The following MAF variants were observed in gnomAD, a reference collection of about 807,000 sequenced individuals.
MAF encodes the protein transcription factor Maf.
MAF carries 10 observed loss-of-function variants against 22.0 expected under a neutral mutation model. The ratio of observed to expected loss-of-function variants is 0.45; its 90% CI spans 0.28 to 0.77. The LOEUF (loss-of-function observed/expected upper bound fraction) is 0.77, where lower values mean the gene tolerates loss of function less well. Ranked by LOEUF, MAF falls within the 30% of genes least tolerant of loss-of-function variation. MAF has a pLI of 0.12. For synonymous variants in MAF, 337 were observed against 255.8 expected (o/e 1.32, Z -3.03); for missense variants, 544 against 548.4 (o/e 0.99, Z 0.08).
the MAF span, among the ~76,000 whole-genome samples, chr16:79,386,933 G>A: frequency 6.6e-6 from 1 of 152,166 alleles, no homozygotes; most frequent in East Asian, 1.9e-4. Flanking sequence ...TACATTAACT[G>A]CTGTAAAAGC....
chr16:79,478,802 C>A, the MAF span, among the ~76,000 whole-genome samples: 1 of 152,016 alleles, frequency 6.6e-6, no homozygotes, highest in Non-Finnish European at 1.5e-5. Context: ...TCCTACGATA[C>A]CTGTGCACCA....
chr16:79,210,702 CTAT>C, the MAF span, among the ~76,000 whole-genome samples: 1 of 151,668 alleles, frequency 6.6e-6, no homozygotes, highest in African/African-American at 2.4e-5. Flanking sequence ...GAACAGCAGC[CTAT>C]TATTTTTAAT....
the MAF span, chr16:79,212,512 A>AGAATACACAGGATATTTT: frequency 3.7e-5 from 7 of 187,230 alleles, no homozygotes; most frequent in Admixed American, 3.7e-4. Flanking sequence ...TATATACTTA[A>AGAATACACAGGATATTTT]GAATACACAG....
chr16:79,233,093 G>A, the MAF span, among the ~76,000 whole-genome samples: 1 of 151,828 alleles, frequency 6.6e-6, no homozygotes, highest in Non-Finnish European at 1.5e-5. Flanking sequence ...GCCCACCTCG[G>A]CCTCCCAAAG....
chr16:79,563,317 G>C, the MAF span, among the ~76,000 whole-genome samples: 1 of 152,154 alleles, frequency 6.6e-6, no homozygotes, highest in Non-Finnish European at 1.5e-5. Context: ...TGTGTCTCTA[G>C]AACTAAATTA....
chr16:79,385,809 G>A, the MAF span, among the ~76,000 whole-genome samples: 2 of 152,192 alleles, frequency 1.3e-5, no homozygotes, highest in Non-Finnish European at 2.9e-5. Context: ...GCTGAGGCAG[G>A]AGAATTACTT....
the MAF span, among the ~76,000 whole-genome samples, chr16:79,522,403 C>A: frequency 2.0e-5 from 3 of 152,178 alleles, no homozygotes; most frequent in Admixed American, 1.3e-4. Context: ...CCACCCCCAA[C>A]AGAGCTGCTA....
chr16:79,333,196 G>T, the MAF span, among the ~76,000 whole-genome samples: 4 of 152,134 alleles, frequency 2.6e-5, no homozygotes, highest in African/African-American at 4.8e-5. Context: ...TCTTTGGCTC[G>T]CTGGACCAGA....
At chr16:79,302,878 T>C in the MAF span, among the ~76,000 whole-genome samples, 1 of 152,234 alleles carries the variant, frequency 6.6e-6, no homozygotes, top group Non-Finnish European at 1.5e-5. Context: ...TCTGTTTGTC[T>C]GTTTAATGTA....
At chr16:79,549,685 C>T in the MAF span, among the ~76,000 whole-genome samples, 1 of 152,112 alleles carries the variant, frequency 6.6e-6, no homozygotes, top group Admixed American at 6.5e-5. Context: ...AAGCCTGACA[C>T]CAATGTGGGT....
At chr16:79,215,513 A>G in the MAF span, among the ~76,000 whole-genome samples, 1 of 152,190 alleles carries the variant, frequency 6.6e-6, no homozygotes, top group African/African-American at 2.4e-5. Context: ...AAAATGTCAA[A>G]GAGAACCAAG....
chr16:79,346,972 C>T, the MAF span, among the ~76,000 whole-genome samples: 1 of 152,072 alleles, frequency 6.6e-6, no homozygotes, highest in East Asian at 1.9e-4. Context: ...TTGGGTGTGA[C>T]TGGTTGGAAT....
At chr16:79,520,497 G>A in the MAF span, among the ~76,000 whole-genome samples, 4 of 152,130 alleles carry the variant, frequency 2.6e-5, no homozygotes, top group African/African-American at 9.7e-5. Context: ...GTGTGTGTGT[G>A]TGTGCTTGCA....
At chr16:79,557,511 T>A in the MAF span, among the ~76,000 whole-genome samples, 1 of 152,038 alleles carries the variant, frequency 6.6e-6, no homozygotes, top group Non-Finnish European at 1.5e-5. Flanking sequence ...TTTGTTCTAG[T>A]CTACAATTTG....
At chr16:79,435,931 A>G in the MAF span, among the ~76,000 whole-genome samples, 1 of 152,174 alleles carries the variant, frequency 6.6e-6, no homozygotes, top group Admixed American at 6.5e-5. Context: ...GCTCTTTGGA[A>G]AATTCATTAG....
At chr16:79,557,175 T>TTTTTTTTTA in the MAF span, among the ~76,000 whole-genome samples, 6 of 151,040 alleles carry the variant, frequency 4.0e-5, no homozygotes, top group Admixed American at 6.6e-5. Context: ...TAGTTTTTTT[T>TTTTTTTTTA]ATTCAATTCC....
the MAF span, among the ~76,000 whole-genome samples, chr16:79,438,551 ATTCCTCACTT>A: frequency 7.2e-5 from 11 of 152,290 alleles, no homozygotes; most frequent in Admixed American, 7.2e-4. Context: ...TCCTGCAGAC[ATTCCTCACTT>A]TATCTTCCCG....
At chr16:79,206,561 A>C in the MAF span, 1 of 152,206 alleles carries the variant, frequency 6.6e-6, no homozygotes, top group Non-Finnish European at 1.5e-5. Context: ...TAACCTCTCA[A>C]TAAATGCTAG....
At chr16:79,572,828 G>T in the MAF span, among the ~76,000 whole-genome samples, 12 of 152,294 alleles carry the variant, frequency 7.9e-5, no homozygotes, top group African/African-American at 2.9e-4. Context: ...CCAAAGTGCT[G>T]TATTGAATTA....
Sources: gnomAD v4.1 joint callset for allele counts (sites outside exome capture counted in the v4.1 genomes callset) on GRCh38, gnomAD v4.1.1 for gene constraint, MANE v1.5 for transcripts, NCBI Gene and HGNC (gene_info 2026-07-23, HGNC 2026-07-21) for gene names.